NSD3: variants seen among roughly 807,000 people sequenced by gnomAD.
The protein encoded by NSD3 is nuclear receptor binding SET domain protein 3, also known as histone-lysine N-methyltransferase NSD3.
Under a neutral mutation model 160.8 loss-of-function variants are expected in NSD3, and 24 were observed. The ratio of observed to expected loss-of-function variants is 0.15; its 90% confidence interval spans 0.11 to 0.21. The LOEUF (loss-of-function observed/expected upper bound fraction) is 0.21. Among genes scored for constraint, NSD3 ranks in the 10% least tolerant of loss-of-function variants. The probability of loss-of-function intolerance (pLI) is 1.00; values close to 1 mark genes in which losing one functional copy is unlikely to be tolerated. For synonymous variants in NSD3, 520 were observed against 600.0 expected, an observed-to-expected ratio of 0.87 and a Z score of 1.95; for missense variants, 1,157 against 1,735.9, an observed-to-expected ratio of 0.67 and a Z score of 5.93.
In NSD3 at chr8:38,320,995, CTTTCT is replaced by C. The variant is rs983837323; in HGVS notation, c.1809+72_1809+76del. 33 of 1,408,878 alleles carry C rather than the reference CTTTCT, an allele frequency of 2.3e-5. No homozygotes were observed. The African/African-American group carries it at 4.4e-4, about 19-fold the overall frequency. The allele number at this position is 1,408,878 out of a possible 1,614,324, so 87.3% of individuals were successfully genotyped here. On this transcript the variant is annotated intron_variant, in intron 8 of 23. Coordinates refer to ENST00000317025, the MANE Select transcript of NSD3 (RefSeq NM_023034.2). ...AAACTCAGTGTGGGGGAAAGTTTCT[CTTTCT>C]TTTAAGACAGGAATGTAAGCCACAA...
At chr8:38,307,989 T>C (rs185526873) in intron 12 of NSD3, among the ~76,000 whole-genome samples, 181 of 152,300 alleles carry the variant, frequency 1.2e-3, no homozygotes, top group South Asian at 0.01. Flanking sequence ...GAAAGAAATG[T>C]TTAAGCAAAG....
chr8:38,351,903 G>GGAGATATAC, intron 1 of NSD3, among the ~76,000 whole-genome samples: 1 of 151,758 alleles, frequency 6.6e-6, no homozygotes, highest in South Asian at 2.1e-4. Context: ...GATAGCATTA[G>GGAGATATAC]GAGATATACC....
In NSD3 at chr8:38,285,862, C is replaced by CTACA. The variant is rs539853576; in HGVS notation, c.3501+2621_3501+2624dup. The stretch of plus-strand genomic sequence containing the variant: ...TCTAACCACTTCCCTCCTGGCTCAA[C>CTACA]TACAACCCCAGTGATTCCACGTCAC... On this transcript the variant is annotated intron_variant, in intron 19 of 23. Transcript: ENST00000317025. 3.9e-3 allele frequency among the ~76,000 whole-genome samples: 591 copies of CTACA among 152,314 alleles called. 1 individual carries two copies. The highest frequency in any genetic ancestry group is 0.014 in the African/African-American group (576 of 41,562).
At chr8:38,322,770 C>T (rs975107077) in intron 7 of NSD3, among the ~76,000 whole-genome samples, 10 of 152,050 alleles carry the variant, frequency 6.6e-5, no homozygotes, top group South Asian at 2.1e-4. Context: ...GTTCTTCAAA[C>T]GACAAAAATG....
At chr8:38,381,436 A>C in intron 1 of NSD3, among the ~76,000 whole-genome samples, 1 of 150,638 alleles carries the variant, frequency 6.6e-6, no homozygotes, top group African/African-American at 2.4e-5. Context: ...TGTAATCTCC[A>C]TGCAACTCTT....
At chr8:38,365,670 C>T (rs745982730) in intron 1 of NSD3, among the ~76,000 whole-genome samples, 50 of 152,012 alleles carry the variant, frequency 3.3e-4, no homozygotes, top group Middle Eastern at 6.8e-3. Flanking sequence ...ACGGGGTTTC[C>T]GCATGTTGGC....
intron 16 of NSD3, among the ~76,000 whole-genome samples, chr8:38,295,103 A>T (rs1390723901): frequency 1.3e-5 from 2 of 149,642 alleles, no homozygotes; most frequent in Admixed American, 1.3e-4. Context: ...AAGATCGCGC[A>T]ACTGCACTCC....
chr8:38,347,707 T>C lies in NSD3; in HGVS notation c.465A>G (p.Leu155=). ...CATTCTGGATAGTTTTGGTTATTTT[T>C]AGTTTAATTTCAGGTGAGCCAGTCT... ...PKKTGSPEIK[L]KITKTIQNGR... Residue 155 remains leucine (L), a synonymous_variant, in exon 2 of 24, where the codon CTA becomes CTG. Transcript: ENST00000317025. The C allele has an allele frequency of 6.2e-7, 1 of 1,612,340 alleles. No homozygotes were observed. The highest frequency in any genetic ancestry group is 1.6e-4 in the Middle Eastern group (1 of 6,062).
chr8:38,283,676 G>A (rs1808784683), intron 19 of NSD3, among the ~76,000 whole-genome samples: 1 of 152,204 alleles, frequency 6.6e-6, no homozygotes, highest in Admixed American at 6.5e-5. Context: ...TGGCGAGTGA[G>A]CTCAGCGAGA....
At position 38,315,916 on chromosome 8, in the gene NSD3, A is replaced by G. The variant is rs954163307; in HGVS notation, c.1982T>C (p.Leu661Pro). 1.2e-6 allele frequency: 2 copies of G among 1,613,706 alleles called. No homozygotes were observed. Among genetic ancestry groups the G allele is most frequent in the Non-Finnish European group, 1.7e-6 (2 of 1,179,926 alleles). ...SDSDSRGLSD[L>P]QVGFGKQVDS... ...CAGACCCTTGCACATATTTACCTGC[A>G]GGTCACTCAGTCCTCTAGAATCGGA... Residue 661 changes from leucine to proline, a missense_variant, in exon 10 of 24, where the codon CTG (leucine) becomes CCG (proline). By Grantham distance (98) the Leu-to-Pro change is moderately conservative. Coordinates refer to ENST00000317025, the MANE Select transcript of NSD3 (RefSeq NM_023034.2).
rs1397596225 is a variant in NSD3 at position 38,270,144 on chromosome 8, T to C, written c.*5497A>G. On this transcript the variant is annotated 3_prime_UTR_variant, in exon 24 of 24. Coordinates refer to ENST00000317025, the MANE Select transcript of NSD3 (RefSeq NM_023034.2). Reference sequence around the variant, plus strand: ...GAAAATTAACACTAATCCCTTAGTGTCAAGAGCTTCTAGCCAAGTCACAGA... The same window carrying C: ...GAAAATTAACACTAATCCCTTAGTGCCAAGAGCTTCTAGCCAAGTCACAGA... The C allele has an allele frequency of 2.0e-5, 3 of 152,196 alleles. No individual in the cohort carries two copies. The highest frequency in any genetic ancestry group is 4.4e-5 in the Non-Finnish European group (3 of 68,044). 9.4% of individuals were successfully genotyped at this position (152,196 alleles called of 1,614,324 possible).
Position 38,327,613 on chromosome 8 carries a change from T to C in NSD3, c.1582-757A>G, listed in dbSNP as rs1809948225. Among the ~76,000 whole-genome samples the C allele has an allele frequency of 7.2e-5, 11 of 152,350 alleles. No individual in the cohort carries two copies. The South Asian group carries it at 2.1e-3, about 29-fold the overall frequency. On this transcript the variant is annotated intron_variant, in intron 6 of 23. Transcript: ENST00000317025. ...GATAAATGTCACTAAAAAATATACC[T>C]GTATCACTCAATTTTCTATAAAAAC...
At chr8:38,366,496 C>A (rs1246207710) in intron 1 of NSD3, among the ~76,000 whole-genome samples, 2 of 150,106 alleles carry the variant, frequency 1.3e-5, no homozygotes, top group Non-Finnish European at 3.0e-5. Flanking sequence ...CTCACTGCAA[C>A]CTTTGCCTCC....
At chr8:38,307,290 T>C (rs1008787625) in intron 12 of NSD3, among the ~76,000 whole-genome samples, 1 of 152,054 alleles carries the variant, frequency 6.6e-6, no homozygotes, top group East Asian at 1.9e-4. Flanking sequence ...GTTCAAGTGA[T>C]TCTCGTGCCC....
At chr8:38,285,124 A>C (rs1285461009) in intron 19 of NSD3, among the ~76,000 whole-genome samples, 2 of 152,170 alleles carry the variant, frequency 1.3e-5, no homozygotes, top group Non-Finnish European at 2.9e-5. Flanking sequence ...AATATTTAAT[A>C]CCTTAAAATA....
chr8:38,342,805 G>C (rs189586340), intron 2 of NSD3, among the ~76,000 whole-genome samples: 1 of 151,926 alleles, frequency 6.6e-6, no homozygotes, highest in East Asian at 2.0e-4. Context: ...TGATCCGCCC[G>C]CCTCGGCCTC....
rs1195597884 is a variant in NSD3, at chr8:38,269,870, T to A, written c.*5771A>T. ...AGGCAACATCTCAGTAAATATAATGTACAAAAATTATATGTTCCTACCAGC... is the reference window on the plus strand; with the variant it reads ...AGGCAACATCTCAGTAAATATAATGAACAAAAATTATATGTTCCTACCAGC... On this transcript the variant is annotated 3_prime_UTR_variant, in exon 24 of 24. Coordinates refer to ENST00000317025, the MANE Select transcript of NSD3 (RefSeq NM_023034.2). 6.6e-6 allele frequency: 1 copy of A among 152,196 alleles called. No homozygotes were observed. The highest frequency in any genetic ancestry group is 2.4e-5 in the African/African-American group (1 of 41,430). The allele number at this position is 152,196 out of a possible 1,614,324, so 9.4% of individuals were successfully genotyped here.
intron 14 of NSD3, among the ~76,000 whole-genome samples, chr8:38,301,265 T>C (rs1018896888): frequency 2.0e-5 from 3 of 152,204 alleles, no homozygotes; most frequent in Non-Finnish European, 4.4e-5. Flanking sequence ...GCCATGGTGC[T>C]CAGCCAGAGT....
In NSD3 at chr8:38,329,214, C is replaced by A. The variant is rs142865753; in HGVS notation, c.1581+164G>T. On this transcript the variant is annotated intron_variant, in intron 6 of 23. Coordinates refer to ENST00000317025, the MANE Select transcript of NSD3 (RefSeq NM_023034.2). This position sits in a 1 kb window ranked among gnomAD's most constrained non-coding sequence, Gnocchi z 4.8. ...GGGATAAAAAAGAAGAAAAACATAG[C>A]CTTTTTGCCTGTCTTTTTTGCCCAC... 1.3e-5 allele frequency among the ~76,000 whole-genome samples: 2 copies of A among 152,098 alleles called. No individual in the cohort carries two copies. Among genetic ancestry groups the A allele is most frequent in the South Asian group, 4.1e-4 (2 of 4,832 alleles).
Sources: gnomAD v4.1 joint callset for allele counts (sites outside exome capture counted in the v4.1 genomes callset) on GRCh38, gnomAD v4.1.1 for gene constraint, Gnocchi (gnomAD v3.1) non-coding constraint, MANE v1.5 for transcripts, NCBI Gene and HGNC (gene_info 2026-07-23, HGNC 2026-07-21) for gene names.